Variants in HSD17B12 observed in about 807,000 individuals in gnomAD.
HSD17B12 encodes very-long-chain 3-oxoacyl-CoA reductase.
A neutral mutation model predicts 39.3 loss-of-function variants in HSD17B12; 32 were observed. The ratio of observed to expected loss-of-function variants is 0.81; its 90% confidence interval spans 0.61 to 1.09. The LOEUF is 1.09. HSD17B12 is among the 50% of genes least tolerant of loss of function. The pLI is 0.00. For missense variants in HSD17B12, 342 were observed against 382.9 expected (o/e 0.89, Z 0.89); for synonymous variants, 150 against 146.7 (o/e 1.02, Z -0.16).
chr11:43,627,966 AT>A, the HSD17B12 span, among the ~76,000 whole-genome samples: 1 of 151,826 alleles, frequency 6.6e-6, no homozygotes, highest in Non-Finnish European at 1.5e-5. Context: ...TTTTTTTTTA[AT>A]TGCTAGGGAA....
At chr11:43,802,639 G>C (rs1479133900) in intron 4 of HSD17B12, among the ~76,000 whole-genome samples, 1 of 152,168 alleles carries the variant, frequency 6.6e-6, no homozygotes, top group African/African-American at 2.4e-5. Context: ...CAATTTTGCA[G>C]TGTATGGCAA....
At chr11:43,715,338 C>T (rs1004084269) in intron 1 of HSD17B12, among the ~76,000 whole-genome samples, 11 of 151,968 alleles carry the variant, frequency 7.2e-5, no homozygotes, top group Non-Finnish European at 1.5e-4. Flanking sequence ...GCATGAAGGG[C>T]TGTTGAATTT....
chr11:43,682,740 A>C (rs987786544), intron 1 of HSD17B12, among the ~76,000 whole-genome samples: 2 of 152,006 alleles, frequency 1.3e-5, no homozygotes, highest in African/African-American at 4.8e-5. Flanking sequence ...TAAAATTTGT[A>C]ATTGGTAAGC....
At chr11:43,779,692 C>A (rs958225285) in intron 3 of HSD17B12, among the ~76,000 whole-genome samples, 3 of 152,166 alleles carry the variant, frequency 2.0e-5, no homozygotes, top group Non-Finnish European at 4.4e-5. Context: ...GAATGTAAGG[C>A]GAGTTTAACT....
intron 1 of HSD17B12, among the ~76,000 whole-genome samples, chr11:43,682,407 T>A (rs574299949): frequency 9.3e-4 from 142 of 152,162 alleles, no homozygotes; most frequent in Middle Eastern, 6.8e-3. Flanking sequence ...AAAAATTAGC[T>A]GGGCGTGGTG....
chr11:43,730,445 G>A (rs1950258128), intron 1 of HSD17B12, among the ~76,000 whole-genome samples: 1 of 152,126 alleles, frequency 6.6e-6, no homozygotes, highest in Non-Finnish European at 1.5e-5. Context: ...AGTAGAAAGA[G>A]GATCCAGCAG....
chr11:43,781,318 T>C (rs1019210173), intron 3 of HSD17B12, among the ~76,000 whole-genome samples: 4 of 152,220 alleles, frequency 2.6e-5, no homozygotes, highest in Non-Finnish European at 5.9e-5. Context: ...TATGAAATCA[T>C]TAAAAATGTT....
chr11:43,705,905 G>T (rs1366576616), intron 1 of HSD17B12, among the ~76,000 whole-genome samples: 1 of 151,604 alleles, frequency 6.6e-6, no homozygotes, highest in Non-Finnish European at 1.5e-5. Flanking sequence ...TGGAACTGCA[G>T]GTGTATGCCA....
At chr11:43,636,158 A>G in the HSD17B12 span, among the ~76,000 whole-genome samples, 1 of 152,228 alleles carries the variant, frequency 6.6e-6, no homozygotes, top group Non-Finnish European at 1.5e-5. Context: ...TATTTTTCAA[A>G]TAATAAATTT....
chr11:43,855,297 G>A lies in HSD17B12; in HGVS notation c.*49G>A, dbSNP rs187110642. On this transcript the variant is annotated 3_prime_UTR_variant, in exon 11 of 11. Coordinates refer to ENST00000278353, the MANE Select transcript of HSD17B12 (RefSeq NM_016142.3). Reference sequence around the variant, plus strand: ...TGGCCAGATGCTCCAGCATATGCACGTTCACTGCAAAGCACCCTACTGGTT... The same window carrying A: ...TGGCCAGATGCTCCAGCATATGCACATTCACTGCAAAGCACCCTACTGGTT... The A allele has an allele frequency of 1.6e-3, 1,800 of 1,129,692 alleles. 3 individuals are homozygous for A. Among genetic ancestry groups the A allele is most frequent in the Non-Finnish European group, 1.9e-3 (1,489 of 772,358 alleles). 70.0% of individuals were successfully genotyped at this position (1,129,692 alleles called of 1,614,324 possible).
the HSD17B12 span, among the ~76,000 whole-genome samples, chr11:43,627,220 CAAG>C: frequency 3.8e-5 from 5 of 133,078 alleles, no homozygotes; most frequent in East Asian, 1.2e-3. Flanking sequence ...TCTAAATGTT[CAAG>C]TATTAGTCCT....
At chr11:43,656,353 C>T in the HSD17B12 span, among the ~76,000 whole-genome samples, 2 of 151,868 alleles carry the variant, frequency 1.3e-5, no homozygotes, top group South Asian at 4.1e-4. Flanking sequence ...AAAAACCAGC[C>T]CCTGGATTCA....
intron 3 of HSD17B12, among the ~76,000 whole-genome samples, chr11:43,761,811 G>C (rs1950557337): frequency 6.6e-6 from 1 of 152,202 alleles, no homozygotes; most frequent in South Asian, 2.1e-4. Context: ...AAGAGAACCA[G>C]GCAGAGGCTT....
At chr11:43,717,306 A>G (rs1950132958) in intron 1 of HSD17B12, among the ~76,000 whole-genome samples, 1 of 152,326 alleles carries the variant, frequency 6.6e-6, no homozygotes, top group South Asian at 2.1e-4. Flanking sequence ...TATTTGGTAT[A>G]TAAAGGAATG....
intron 1 of HSD17B12, among the ~76,000 whole-genome samples, chr11:43,747,313 G>A (rs988644339): frequency 5.3e-5 from 8 of 152,182 alleles, no homozygotes. Context: ...GCCAAGTGTT[G>A]TGGGAGTTTA....
chr11:43,574,943 G>T, the HSD17B12 span, among the ~76,000 whole-genome samples: 1 of 152,176 alleles, frequency 6.6e-6, no homozygotes, highest in Non-Finnish European at 1.5e-5. Context: ...TTATAGAGGT[G>T]AGTTTCCTCT....
intron 1 of HSD17B12, among the ~76,000 whole-genome samples, chr11:43,743,830 A>T (rs1950390374): frequency 6.6e-6 from 1 of 152,340 alleles, no homozygotes; most frequent in Non-Finnish European, 1.5e-5. Context: ...GATGAGAGTG[A>T]CCAAAACAAT....
intron 1 of HSD17B12, among the ~76,000 whole-genome samples, chr11:43,688,927 A>G (rs1006289384): frequency 3.9e-5 from 6 of 152,246 alleles, no homozygotes; most frequent in African/African-American, 1.4e-4. Flanking sequence ...AGTAACATAT[A>G]TTTAAGAGCA....
chr11:43,795,743 A>C (rs948131587), intron 3 of HSD17B12, among the ~76,000 whole-genome samples: 3 of 152,224 alleles, frequency 2.0e-5, no homozygotes, highest in African/African-American at 7.2e-5. Flanking sequence ...CATTTGTGCC[A>C]TTGTTGAGCA....
Sources: allele counts gnomAD v4.1 joint callset (sites outside exome capture counted in the v4.1 genomes callset), GRCh38; gene constraint gnomAD v4.1.1; transcripts MANE v1.5; gene names NCBI Gene and HGNC (gene_info 2026-07-23, HGNC 2026-07-21).